The following JARID2 variants were observed in gnomAD, a reference collection of about 807,000 sequenced individuals.
JARID2 encodes the protein jumonji and AT-rich interaction domain containing 2, also known as protein Jumonji.
A neutral mutation model predicts 125.6 loss-of-function variants in JARID2; 21 were observed. That is an observed-to-expected ratio of 0.17 (90% confidence interval 0.12 to 0.24). The LOEUF is 0.24. Ranked by LOEUF, JARID2 falls within the 10% of genes least tolerant of loss-of-function variation. JARID2 has a pLI of 1.00. For missense variants in JARID2, 1,303 were observed against 1,639.6 expected (o/e 0.79, Z 3.55); for synonymous variants, 736 against 661.6 (o/e 1.11, Z -1.73).
intron 17 of JARID2, among the ~76,000 whole-genome samples, chr6:15,517,697 CG>C (rs926755878): frequency 1.3e-5 from 2 of 152,150 alleles, no homozygotes; most frequent in African/African-American, 4.8e-5. Flanking sequence ...TGGGGCAGGA[CG>C]GGCCCCATGA....
chr6:15,353,736 CA>C (rs879404994), intron 1 of JARID2, among the ~76,000 whole-genome samples: 27 of 145,666 alleles, frequency 1.9e-4, no homozygotes, highest in East Asian at 4.0e-4. Context: ...GATTTCAATG[CA>C]AAAAAAAAAA....
intron 1 of JARID2, among the ~76,000 whole-genome samples, chr6:15,342,650 A>G (rs954952980): frequency 1.3e-5 from 2 of 152,144 alleles, no homozygotes; most frequent in South Asian, 2.1e-4. Flanking sequence ...AATGGGGGGT[A>G]TTCTATTAAG....
At position 15,501,001 on chromosome 6, in the gene JARID2, A is replaced by G. The variant is rs1325993343; in HGVS notation, c.2040A>G (p.Leu680=). The G allele has an allele frequency of 3.7e-6, 6 of 1,614,004 alleles. No homozygotes were observed. In the African/African-American group the frequency reaches 4.0e-5, roughly 11 times the overall value. ...QVTDLKKWNK[L]ADMLRIPRTA... The stretch of plus-strand genomic sequence containing the variant: ...CTGACCTCAAAAAATGGAACAAACT[A>G]GCAGACATGCTGCGCATCCCCAGAA... The change falls in exon 8 of 18, where the codon CTA becomes CTG. Residue 680 remains leucine (L), a synonymous_variant. Coordinates refer to ENST00000341776, the MANE Select transcript of JARID2 (RefSeq NM_004973.4).
At chr6:15,297,086 A>G (rs1004284564) in intron 1 of JARID2, among the ~76,000 whole-genome samples, 2 of 152,200 alleles carry the variant, frequency 1.3e-5, no homozygotes, top group Admixed American at 6.5e-5. Flanking sequence ...CGTGACAACC[A>G]GATGTTTGTA....
At chr6:15,295,003 T>A (rs1012438280) in intron 1 of JARID2, among the ~76,000 whole-genome samples, 10 of 152,140 alleles carry the variant, frequency 6.6e-5, no homozygotes, top group African/African-American at 2.4e-4. Context: ...TTCAAGAATT[T>A]AGATAACCTG....
chr6:15,423,223 C>G (rs1766579810), intron 3 of JARID2, among the ~76,000 whole-genome samples: 2 of 152,078 alleles, frequency 1.3e-5, no homozygotes, highest in South Asian at 2.1e-4. Flanking sequence ...TGGTCTCGAA[C>G]TCCTGGGCTT....
At chr6:15,324,497 T>C (rs1762468183) in intron 1 of JARID2, 1 of 152,120 alleles carries the variant, frequency 6.6e-6, no homozygotes, top group South Asian at 2.1e-4. Flanking sequence ...TTTTTCTTCT[T>C]CTTTTTCTTT....
chr6:15,458,555 G>A (rs764616843), intron 4 of JARID2, among the ~76,000 whole-genome samples: 5 of 152,150 alleles, frequency 3.3e-5, no homozygotes, highest in Non-Finnish European at 7.4e-5. Flanking sequence ...AATTAATTCA[G>A]CAAACCTTTA....
At chr6:15,414,045 C>T (rs1766019960) in intron 3 of JARID2, among the ~76,000 whole-genome samples, 1 of 152,148 alleles carries the variant, frequency 6.6e-6, no homozygotes, top group South Asian at 2.1e-4. Context: ...GATTTAATTA[C>T]TCCTACTCTA....
At chr6:15,515,154 C>G (rs1177686404) in intron 16 of JARID2, among the ~76,000 whole-genome samples, 2 of 152,084 alleles carry the variant, frequency 1.3e-5, no homozygotes, top group Admixed American at 6.5e-5. Flanking sequence ...ATCCTCCCAC[C>G]TCAGCCTCCT....
intron 1 of JARID2, among the ~76,000 whole-genome samples, chr6:15,328,642 GC>G (rs143688779): frequency 0.055 from 8,346 of 152,192 alleles, 302 homozygotes; most frequent in South Asian, 0.11. Context: ...AAGTGTTAAA[GC>G]CAGGACCACA....
At chr6:15,462,640 C>T (rs11759978) in intron 4 of JARID2, among the ~76,000 whole-genome samples, 17,248 of 152,246 alleles carry the variant, frequency 0.11, 1,092 homozygotes, top group Non-Finnish European at 0.14. Context: ...AACACAAACT[C>T]AGTGGGCCAG....
At chr6:15,381,881 T>G (rs946360393) in intron 2 of JARID2, among the ~76,000 whole-genome samples, 21 of 152,244 alleles carry the variant, frequency 1.4e-4, no homozygotes, top group African/African-American at 4.8e-4. Context: ...GTGCTTCCAA[T>G]GATGAATGTG....
chr6:15,290,762 G>A lies in JARID2; in HGVS notation c.45+44178G>A, dbSNP rs1761175563. 2.6e-5 allele frequency among the ~76,000 whole-genome samples: 4 copies of A among 152,106 alleles called. No individual in the cohort carries two copies. The South Asian group carries it at 8.3e-4, about 31-fold the overall frequency. ...GCCTCCTGAGTAGCTGGGACTACAG[G>A]CGCCCACCGCCACGCCCAGTTAATT... On this transcript the variant is annotated intron_variant, in intron 1 of 17. Coordinates refer to ENST00000341776, the MANE Select transcript of JARID2 (RefSeq NM_004973.4).
Position 15,473,525 on chromosome 6 carries a change from C to G in JARID2, c.670+4807C>G, listed in dbSNP as rs1342287593. Reference sequence around the variant, plus strand: ...CTTCTGATGTGCGTGCCCCCCCCCCCCCCCCGCTTTGTGTCCTGCCACCCA... The same window carrying G: ...CTTCTGATGTGCGTGCCCCCCCCCCGCCCCCGCTTTGTGTCCTGCCACCCA... On this transcript the variant is annotated intron_variant, in intron 5 of 17. Coordinates refer to ENST00000341776, the MANE Select transcript of JARID2 (RefSeq NM_004973.4). 1.1e-4 allele frequency among the ~76,000 whole-genome samples: 7 copies of G among 66,508 alleles called. 1 individual carries two copies. In the East Asian group the frequency reaches 2.6e-3, roughly 25 times the overall value. The allele number at this position is 66,508 out of a possible 152,430, so 43.6% of individuals were successfully genotyped here. A position where few individuals can be genotyped will look rare whatever the true frequency, so the allele number is the denominator to read the frequency against.
At chr6:15,484,082 G>A (rs533904810) in intron 5 of JARID2, among the ~76,000 whole-genome samples, 2 of 152,176 alleles carry the variant, frequency 1.3e-5, no homozygotes, top group South Asian at 2.1e-4. Context: ...AAATAGTTTC[G>A]ACCCTAGCAC....
chr6:15,439,302 C>G (rs987049227), intron 3 of JARID2, among the ~76,000 whole-genome samples: 1 of 152,276 alleles, frequency 6.6e-6, no homozygotes. Context: ...GCATGGATCT[C>G]TATCCTCCTC....
At chr6:15,358,693 C>T (rs1240408859) in intron 1 of JARID2, among the ~76,000 whole-genome samples, 1 of 152,218 alleles carries the variant, frequency 6.6e-6, no homozygotes, top group Non-Finnish European at 1.5e-5. Flanking sequence ...TGTATCAAGC[C>T]ATTCCGTGTG....
Position 15,283,257 on chromosome 6 carries a change from T to A in JARID2, c.45+36673T>A, listed in dbSNP as rs12189766. 4.3e-5 allele frequency among the ~76,000 whole-genome samples: 6 copies of A among 140,610 alleles called. 1 individual carries two copies. The highest frequency in any genetic ancestry group is 2.2e-4 in the East Asian group (1 of 4,524). The allele number at this position is 140,610 out of a possible 152,430, so 92.2% of individuals were successfully genotyped here. A position where few individuals can be genotyped will look rare whatever the true frequency, so the allele number is the denominator to read the frequency against. Reference sequence around the variant, plus strand: ...CCTCCCAAAGTGCTGGGATTACAGGTGTGAGCCACTGCGCCCGGCCGTTCT... The same window carrying A: ...CCTCCCAAAGTGCTGGGATTACAGGAGTGAGCCACTGCGCCCGGCCGTTCT... On this transcript the variant is annotated intron_variant, in intron 1 of 17. Transcript: ENST00000341776.
Sources: gnomAD v4.1 joint callset for allele counts (sites outside exome capture counted in the v4.1 genomes callset) on GRCh38, gnomAD v4.1.1 for gene constraint, MANE v1.5 for transcripts, NCBI Gene and HGNC (gene_info 2026-07-23, HGNC 2026-07-21) for gene names.